PLK2: variants seen among roughly 807,000 people sequenced by gnomAD.
The protein encoded by PLK2 is serine/threonine-protein kinase PLK2.
Under a neutral mutation model 78.1 loss-of-function variants are expected in PLK2, and 25 were observed. That is an observed-to-expected ratio of 0.32 (90% confidence interval 0.23 to 0.45). The LOEUF (loss-of-function observed/expected upper bound fraction) is 0.45, where lower values mean the gene tolerates loss of function less well. PLK2 is among the 20% of genes least tolerant of loss of function. The pLI is 1.00. For synonymous variants in PLK2, 332 were observed against 298.2 expected (o/e 1.11, Z -1.17); for missense variants, 566 against 840.2 (o/e 0.67, Z 4.04).
chr5:58,459,199 A>AT, intron 1 of PLK2, 107 bp from the exon 2 acceptor site: 1 of 678,052 alleles, frequency 1.5e-6, no homozygotes, highest in South Asian at 1.8e-5. Context: ...AAAAAAAAAA[A>AT]TTGAGGAATG....
rs199941195 is a variant in PLK2, at chr5:58,459,790, T to C, written c.170A>G (p.His57Arg). ...SQAQVPPAAPHHHHHHSHSGP... is the reference protein window; with the variant it reads ...SQAQVPPAAPRHHHHHSHSGP... Reference sequence around the variant, plus strand: ...CGAGTGCGAATGGTGGTGATGGTGGTGAGGGGCCGCCGGGGGCACTTGCGC... The same window carrying C: ...CGAGTGCGAATGGTGGTGATGGTGGCGAGGGGCCGCCGGGGGCACTTGCGC... Residue 57 changes from histidine (H) to arginine (R), a missense_variant, in exon 1 of 14, where the codon CAC becomes CGC. Physicochemically the swap from His to Arg is conservative, Grantham distance 29 (BLOSUM62 0). Around this residue, in one of 5 missense-constraint regions of PLK2, gnomAD observed 127 missense variants for 122.5 expected, o/e 1.04. Transcript: ENST00000274289. 4 of 1,607,968 alleles carry C rather than the reference T, an allele frequency of 2.5e-6. No individual in the cohort carries two copies. The East Asian group carries it at 8.9e-5, about 36-fold the overall frequency.
At chr5:58,457,842 C>T (rs754242203) in intron 5 of PLK2, 35 of 589,204 alleles carry the variant, frequency 5.9e-5, no homozygotes, top group Non-Finnish European at 9.0e-5. Flanking sequence ...AAGCCAGGGA[C>T]GTCGTGGCAT....
chr5:58,458,203 C>T (rs1216878999), intron 4 of PLK2, 32 bp from the exon 5 acceptor site: 1 of 1,476,556 alleles, frequency 6.8e-7, no homozygotes, highest in Non-Finnish European at 9.5e-7. Context: ...ATGTGAATCC[C>T]TTTGAAAATG....
rs1485340942 is a variant in PLK2, at chr5:58,456,474, T to C, written c.1254+18A>G. On this transcript the variant is annotated intron_variant, in intron 9 of 13. Coordinates refer to ENST00000274289, the MANE Select transcript of PLK2 (RefSeq NM_006622.4). The stretch of plus-strand genomic sequence containing the variant: ...TAACGTAAAGCGTGAGTATCTACTT[T>C]ACTCTTTCCCAACACACCTCATCTG... 2 of 1,473,840 alleles carry C rather than the reference T, an allele frequency of 1.4e-6. No homozygotes were observed. The highest frequency in any genetic ancestry group is 1.4e-5 in the African/African-American group (1 of 71,810). The allele number at this position is 1,473,840 out of a possible 1,614,324, so 91.3% of individuals were successfully genotyped here.
Position 58,454,406 on chromosome 5 carries a change from C to A in PLK2, c.*177G>T, listed in dbSNP as rs1743543544. On this transcript the variant is annotated 3_prime_UTR_variant, in exon 14 of 14. Transcript: ENST00000274289. The stretch of plus-strand genomic sequence containing the variant: ...GGTTCACTCTTGGATTGTCCAAAGT[C>A]AAGAACTGTATGCCTTAGCCTGTTC... 5.7e-6 allele frequency: 3 copies of A among 530,450 alleles called. No homozygotes were observed. In the Admixed American group the frequency reaches 9.9e-5, roughly 17 times the overall value. The allele number at this position is 530,450 out of a possible 1,614,324, so 32.9% of individuals were successfully genotyped here.
At position 58,454,572 on chromosome 5, in the gene PLK2, C is replaced by T. The variant is rs781101066; in HGVS notation, c.*11G>A. 48 of 1,592,068 alleles carry T rather than the reference C, an allele frequency of 3.0e-5. No individual in the cohort carries two copies. The highest frequency in any genetic ancestry group is 4.5e-5 in the East Asian group (2 of 44,764). On this transcript the variant is annotated 3_prime_UTR_variant, in exon 14 of 14. Coordinates refer to ENST00000274289, the MANE Select transcript of PLK2 (RefSeq NM_006622.4). ...AAAGAGGAGTCCCATAGGGTCCATT[C>T]GAAAAGTCTTTCAGTTACATCTTTG...
At position 58,458,505 on chromosome 5, in the gene PLK2, T is replaced by G; in HGVS notation, c.519A>C (p.Ala173=). 1 of 1,612,150 alleles carries G rather than the reference T, an allele frequency of 6.2e-7. No individual in the cohort carries two copies. ...SRRSMAHILK[A]RKVLTEPEVR... ...CTTCTGGCTCTGTCAACACCTTTCT[T>G]GCTTTCAAAATATGAGCCATTGACT... Residue 173 remains alanine (A), a synonymous_variant, in exon 4 of 14, where the codon GCA becomes GCC. Transcript: ENST00000274289.
intron 9 of PLK2, 88 bp from the exon 10 acceptor site, chr5:58,456,243 T>G: frequency 1.5e-6 from 2 of 1,301,314 alleles, no homozygotes; most frequent in Non-Finnish European, 2.1e-6. Flanking sequence ...AGTGAGGCAA[T>G]TGCTGGGAAA....
In PLK2 at chr5:58,459,719, G is replaced by C. The variant is rs1474479430; in HGVS notation, c.241C>G (p.Arg81Gly). The change falls in exon 1 of 14, where the codon CGC becomes GGC. Residue 81 changes from arginine (R) to glycine (G), a missense_variant. Coordinates refer to ENST00000274289, the MANE Select transcript of PLK2 (RefSeq NM_006622.4). ...RIIVDPTTGK[R>G]YCRGKVLGKG... is the part of the protein sequence containing the mutation. ...CCCAGCACTTTGCCCCGGCAGTAGC[G>C]CTTCCCAGTCGTGGGGTCGACGATA... The C allele has an allele frequency of 1.3e-6, 2 of 1,599,630 alleles. No homozygotes were observed. The highest frequency in any genetic ancestry group is 1.7e-6 in the Non-Finnish European group (2 of 1,173,792).
intron 13 of PLK2, 25 bp from the exon 14 acceptor site, chr5:58,454,799 G>C: frequency 6.5e-7 from 1 of 1,546,346 alleles, no homozygotes; most frequent in Non-Finnish European, 8.9e-7. Context: ...ATAGACATTA[G>C]ATCTCTCAAA....
chr5:58,456,648 G>A, intron 8 of PLK2, 59 bp from the exon 9 acceptor site: 1 of 1,090,620 alleles, frequency 9.2e-7, no homozygotes. Context: ...TAGGAACAGG[G>A]TTAGTCATAT....
intron 1 of PLK2, 39 bp downstream of exon 1, chr5:58,459,651 T>G (rs1475445785): frequency 6.6e-7 from 1 of 1,511,690 alleles, no homozygotes; most frequent in Non-Finnish European, 8.9e-7. Flanking sequence ...CGGACAGACC[T>G]CCCGCCCGCC....
Position 58,458,189 on chromosome 5 carries a change from CA to C in PLK2, c.626-19del. On this transcript the variant is annotated intron_variant, in intron 4 of 13. Coordinates refer to ENST00000274289, the MANE Select transcript of PLK2 (RefSeq NM_006622.4). Reference sequence around the variant, plus strand: ...AAAGTTCCCTAGACGATAAACAAAACAAAATGTGAATCCCTTTGAAAATGCG... The same window carrying C: ...AAAGTTCCCTAGACGATAAACAAAACAAATGTGAATCCCTTTGAAAATGCG... 6.5e-7 allele frequency: 1 copy of C among 1,538,064 alleles called. No individual in the cohort carries two copies.
At position 58,455,532 on chromosome 5, in the gene PLK2, C is replaced by A; in HGVS notation, c.1625+7G>T. ...ACTGACAGGATTTCATTAATTGATA[C>A]ACTTACTTTTTGTCTGGAAGGAGGC... On this transcript the variant is annotated splice_region_variant and intron_variant, in intron 11 of 13. Coordinates refer to ENST00000274289, the MANE Select transcript of PLK2 (RefSeq NM_006622.4). The A allele has an allele frequency of 1.9e-6, 3 of 1,613,986 alleles. No homozygotes were observed. Among genetic ancestry groups the A allele is most frequent in the Non-Finnish European group, 2.5e-6 (3 of 1,179,898 alleles).
Position 58,457,499 on chromosome 5 carries a change from C to T in PLK2, c.798G>A (p.Leu266=), listed in dbSNP as rs199509650. ...CTGCATTTACTTACATTACACAGCC[C>T]AGGGCCCAAATGTCTGATTCACAGC... ...GHGCESDIWA[L]GCVMYTMLLG... The change falls in exon 6 of 14, where the codon CTG becomes CTA. Residue 266 remains leucine, a synonymous_variant. Transcript: ENST00000274289. 6.2e-7 allele frequency: 1 copy of T among 1,611,300 alleles called. No individual in the cohort carries two copies. Among genetic ancestry groups the T allele is most frequent in the East Asian group, 2.2e-5 (1 of 44,874 alleles).
chr5:58,457,054 A>G lies in PLK2; in HGVS notation c.1047T>C (p.His349=). 6.2e-7 allele frequency: 1 copy of G among 1,613,840 alleles called. No homozygotes were observed. Among genetic ancestry groups the G allele is most frequent in the South Asian group, 1.1e-5 (1 of 91,018 alleles). Residue 349 remains histidine, a synonymous_variant, in exon 8 of 14, where the codon CAT becomes CAC. Coordinates refer to ENST00000274289, the MANE Select transcript of PLK2 (RefSeq NM_006622.4). The part of the protein sequence containing the change: ...TPDRLSSSCC[H]TVPDFHLSSP... ...TTGATAAGTGGAAATCTGGAACTGT[A>G]TGACAACAGCTAGAAGACAGTCTGT...
chr5:58,459,944 T>C lies in PLK2; in HGVS notation c.16A>G (p.Thr6Ala). MELLR[T>A]ITYQPAASTK... is the part of the protein sequence containing the mutation. Reference sequence around the variant, plus strand: ...CTGGCGGCTGGCTGGTAGGTGATAGTCCGCAAAAGCTCCATGGTCGCCTTG... The same window carrying C: ...CTGGCGGCTGGCTGGTAGGTGATAGCCCGCAAAAGCTCCATGGTCGCCTTG... Residue 6 changes from threonine to alanine, a missense_variant, in exon 1 of 14, where the codon ACT becomes GCT. This residue lies in a region of PLK2 where 127 missense variants were observed against 122.5 expected (regional missense o/e 1.04). Coordinates refer to ENST00000274289, the MANE Select transcript of PLK2 (RefSeq NM_006622.4). 6.2e-7 allele frequency: 1 copy of C among 1,606,930 alleles called. No individual in the cohort carries two copies. The highest frequency in any genetic ancestry group is 8.5e-7 in the Non-Finnish European group (1 of 1,176,744).
Position 58,457,165 on chromosome 5 carries a change from A to C in PLK2, c.1008+16T>G. 1 of 1,612,642 alleles carries C rather than the reference A, an allele frequency of 6.2e-7. No individual in the cohort carries two copies. The highest frequency in any genetic ancestry group is 8.5e-7 in the Non-Finnish European group (1 of 1,179,314). On this transcript the variant is annotated intron_variant, in intron 7 of 13. Transcript: ENST00000274289. ...ATCAATACCAGGTAATTAAAAAAAAAAGATAGTGCACCAACCTGCAAAAAA... is the reference window on the plus strand; with the variant it reads ...ATCAATACCAGGTAATTAAAAAAAACAGATAGTGCACCAACCTGCAAAAAA...
In PLK2 at chr5:58,456,167, GA is replaced by G. The variant is rs1743598137; in HGVS notation, c.1255-13del. 4 of 1,606,226 alleles carry G rather than the reference GA, an allele frequency of 2.5e-6. No individual in the cohort carries two copies. The highest frequency in any genetic ancestry group is 3.4e-6 in the Non-Finnish European group (4 of 1,177,662). On this transcript the variant is annotated splice_polypyrimidine_tract_variant and intron_variant, in intron 9 of 13. Transcript: ENST00000274289. ...GGTGGCTGGAGCTCCTTAGAAGAGA[GA>G]AGATTTATGCAATGAGTCAAGCATC...
Sources: allele counts gnomAD v4.1 joint callset, GRCh38; gene constraint gnomAD v4.1.1; regional missense constraint gnomAD v4.1.1; transcripts MANE v1.5; gene names NCBI Gene and HGNC (gene_info 2026-07-23, HGNC 2026-07-21).